Variants in SOX5 observed in about 807,000 individuals in gnomAD.
The protein encoded by SOX5 is SRY-box transcription factor 5.
A neutral mutation model predicts 92.0 loss-of-function variants in SOX5; 9 were observed. The observed-to-expected ratio is 0.10, with a 90% confidence interval of 0.06 to 0.17. The LOEUF (loss-of-function observed/expected upper bound fraction) is 0.17, where lower values mean the gene tolerates loss of function less well. Among genes scored for constraint, SOX5 ranks in the 10% least tolerant of loss-of-function variants. The pLI, the probability that SOX5 is intolerant of heterozygous loss-of-function variation, is 1.00. For synonymous variants in SOX5, 344 were observed against 336.3 expected (o/e 1.02, Z -0.25); for missense variants, 642 against 944.5 (o/e 0.68, Z 4.20).
At chr12:23,694,827 G>A (rs1348633497) in intron 6 of SOX5, among the ~76,000 whole-genome samples, 1 of 152,000 alleles carries the variant, frequency 6.6e-6, no homozygotes, top group Non-Finnish European at 1.5e-5. Context: ...ATGCTTTTGA[G>A]ATGCACTCAT....
At chr12:23,924,034 G>A (rs962756377) in intron 1 of SOX5, among the ~76,000 whole-genome samples, 14 of 152,124 alleles carry the variant, frequency 9.2e-5, no homozygotes, top group Admixed American at 6.5e-5. Context: ...GAAAAACATT[G>A]AGGGAGAATT....
intron 4 of SOX5, among the ~76,000 whole-genome samples, chr12:24,184,094 T>C (rs1037741855): frequency 6.6e-6 from 1 of 152,154 alleles, no homozygotes; most frequent in African/African-American, 2.4e-5. Context: ...GGTTTTTCAG[T>C]AGAACTTTTA....
chr12:24,543,833 G>A (rs944177436), intron 1 of SOX5, among the ~76,000 whole-genome samples: 10 of 152,168 alleles, frequency 6.6e-5, no homozygotes, highest in South Asian at 2.1e-4. Context: ...TCATTTGTAC[G>A]TATATTTTTA....
chr12:24,357,530 C>T (rs1358516871), intron 2 of SOX5: 2 of 152,090 alleles, frequency 1.3e-5, no homozygotes, highest in Non-Finnish European at 2.9e-5. Context: ...GACTACCTAC[C>T]CCACCAACCA....
At chr12:23,722,963 TA>T (rs964215482) in intron 6 of SOX5, among the ~76,000 whole-genome samples, 1 of 152,106 alleles carries the variant, frequency 6.6e-6, no homozygotes, top group Non-Finnish European at 1.5e-5. Flanking sequence ...CATCCTCAAT[TA>T]GGGGCGGATG....
intron 2 of SOX5, among the ~76,000 whole-genome samples, chr12:24,303,488 T>C (rs1265403972): frequency 2.0e-5 from 3 of 152,150 alleles, no homozygotes; most frequent in African/African-American, 4.8e-5. Flanking sequence ...TATAGCACAG[T>C]ATCTAAACAA....
chr12:23,594,952 G>T (rs1178812250), intron 9 of SOX5, among the ~76,000 whole-genome samples: 1 of 152,134 alleles, frequency 6.6e-6, no homozygotes, highest in Non-Finnish European at 1.5e-5. Context: ...CTCCCAAGAA[G>T]ATTCCCTTTC....
chr12:24,207,667 C>T (rs1958157048), intron 4 of SOX5, among the ~76,000 whole-genome samples: 2 of 152,180 alleles, frequency 1.3e-5, no homozygotes, highest in Admixed American at 1.3e-4. Flanking sequence ...GTTTGTAAAG[C>T]AGCAAAGCTA....
chr12:24,231,562 A>C (rs1963405169), intron 3 of SOX5, among the ~76,000 whole-genome samples: 1 of 152,232 alleles, frequency 6.6e-6, no homozygotes, highest in African/African-American at 2.4e-5. Flanking sequence ...CAACAAAGTG[A>C]AAGATACACT....
chr12:23,559,589 C>T (rs1945831276), intron 11 of SOX5, among the ~76,000 whole-genome samples: 1 of 152,194 alleles, frequency 6.6e-6, no homozygotes, highest in South Asian at 2.1e-4. Flanking sequence ...TCCCTATCTT[C>T]ACACCTCTAA....
chr12:23,601,899 A>G (rs577440123), intron 9 of SOX5, among the ~76,000 whole-genome samples: 32 of 152,302 alleles, frequency 2.1e-4, no homozygotes, highest in African/African-American at 7.5e-4. Context: ...GTGGTTGTGG[A>G]CAGTATGCTA....
intron 3 of SOX5, among the ~76,000 whole-genome samples, chr12:23,811,506 T>C (rs769840227): frequency 5.3e-5 from 8 of 152,218 alleles, no homozygotes; most frequent in Non-Finnish European, 7.4e-5. Flanking sequence ...CAGCTCTCAA[T>C]ATTGAAAAGC....
chr12:23,680,647 T>C (rs546731693), intron 6 of SOX5, among the ~76,000 whole-genome samples: 15 of 152,036 alleles, frequency 9.9e-5, no homozygotes, highest in African/African-American at 3.1e-4. Context: ...GGCCCATAAA[T>C]GTAATGGGTA....
At chr12:23,673,313 T>C (rs536341716) in intron 6 of SOX5, among the ~76,000 whole-genome samples, 24 of 152,282 alleles carry the variant, frequency 1.6e-4, no homozygotes, top group African/African-American at 5.5e-4. Context: ...ATCTTTATTA[T>C]ACAATTCTAC....
At chr12:24,215,212 C>T (rs1322758359) in intron 3 of SOX5, among the ~76,000 whole-genome samples, 1 of 152,062 alleles carries the variant, frequency 6.6e-6, no homozygotes, top group African/African-American at 2.4e-5. Flanking sequence ...TTTGCTCATA[C>T]CACTTTTATT....
intron 4 of SOX5, among the ~76,000 whole-genome samples, chr12:24,085,786 A>G (rs750153529): frequency 7.9e-5 from 12 of 151,994 alleles, no homozygotes; most frequent in Non-Finnish European, 1.8e-4. Flanking sequence ...GTCATTGACA[A>G]AGAAGAAAAA....
At chr12:23,999,815 C>T (rs970238934) in intron 4 of SOX5, among the ~76,000 whole-genome samples, 1 of 151,890 alleles carries the variant, frequency 6.6e-6, no homozygotes, top group African/African-American at 2.4e-5. Context: ...AAAGGTGTTT[C>T]CAGGTGAACA....
intron 1 of SOX5, among the ~76,000 whole-genome samples, chr12:24,487,754 C>T (rs1946661484): frequency 6.6e-6 from 1 of 152,134 alleles, no homozygotes; most frequent in South Asian, 2.1e-4. Flanking sequence ...AAGAGGTTGT[C>T]ATCACCACAA....
intron 3 of SOX5, among the ~76,000 whole-genome samples, chr12:24,267,491 T>A (rs941316207): frequency 6.6e-6 from 1 of 152,186 alleles, no homozygotes; most frequent in Non-Finnish European, 1.5e-5. Context: ...TCTCAGCACT[T>A]TAACCTCACT....
Sources: gnomAD v4.1 joint callset for allele counts (sites outside exome capture counted in the v4.1 genomes callset) on GRCh38, gnomAD v4.1.1 for gene constraint, MANE v1.5 for transcripts, NCBI Gene and HGNC (gene_info 2026-07-23, HGNC 2026-07-21) for gene names.